Variants in XRN2 observed in about 807,000 individuals in gnomAD.
XRN2 encodes 5'-3' exoribonuclease 2, also known as DHM1-like protein.
A neutral mutation model predicts 138.5 loss-of-function variants in XRN2; 44 were observed. The ratio of observed to expected loss-of-function variants is 0.32; its 90% CI spans 0.25 to 0.41. The LOEUF is 0.41. Ranked by LOEUF, XRN2 falls within the 10% of genes least tolerant of loss-of-function variation. XRN2 has a pLI of 1.00. For missense variants in XRN2, 937 were observed against 1,169.3 expected (o/e 0.80, Z 2.90); for synonymous variants, 354 against 369.4 (o/e 0.96, Z 0.48).
At chr20:21,351,032 T>G (rs1568585756) in intron 20 of XRN2, among the ~76,000 whole-genome samples, 1 of 152,180 alleles carries the variant, frequency 6.6e-6, no homozygotes, top group Non-Finnish European at 1.5e-5. Flanking sequence ...CTAAGTAAAT[T>G]AAGAAGCAAA....
intron 24 of XRN2, among the ~76,000 whole-genome samples, chr20:21,360,861 T>G (rs898726272): frequency 6.6e-6 from 1 of 152,210 alleles, no homozygotes; most frequent in Non-Finnish European, 1.5e-5. Flanking sequence ...GGTTAACCTC[T>G]TCTGATAGAA....
intron 4 of XRN2, among the ~76,000 whole-genome samples, chr20:21,329,109 G>A (rs750268962): frequency 1.3e-5 from 2 of 152,154 alleles, no homozygotes; most frequent in South Asian, 2.1e-4. Context: ...TGAGGAAGCC[G>A]GAGGTGATTC....
chr20:21,360,001 CAG>C (rs1421255187), intron 24 of XRN2, among the ~76,000 whole-genome samples: 2 of 152,006 alleles, frequency 1.3e-5, no homozygotes, highest in African/African-American at 4.8e-5. Context: ...CTGTAGTGCT[CAG>C]AAAGTATGTT....
intron 28 of XRN2, 138 bp downstream of exon 28, chr20:21,382,195 CT>C: frequency 1.8e-6 from 1 of 552,172 alleles, no homozygotes; most frequent in Non-Finnish European, 3.0e-6. Context: ...TGTGCCTATC[CT>C]TTAAGAAAAT....
chr20:21,350,248 C>A (rs1009185962), intron 20 of XRN2, among the ~76,000 whole-genome samples: 1 of 152,036 alleles, frequency 6.6e-6, no homozygotes, highest in African/African-American at 2.4e-5. Flanking sequence ...ATATCTTGGC[C>A]GGGCGCAGTG....
At chr20:21,340,990 G>A in intron 15 of XRN2, 138 bp downstream of exon 15, 2 of 909,738 alleles carry the variant, frequency 2.2e-6, no homozygotes, top group Non-Finnish European at 3.3e-6. Flanking sequence ...CTTGAGAAAT[G>A]TTTAGTTCTG....
At chr20:21,303,836 A>C in intron 1 of XRN2, 5 of 1,033,872 alleles carry the variant, frequency 4.8e-6, no homozygotes, top group Non-Finnish European at 5.8e-6. Flanking sequence ...GTTGTTGAGC[A>C]ATGCATGCCA....
chr20:21,330,407 G>T, intron 4 of XRN2, 74 bp from the exon 5 acceptor site: 2 of 1,498,050 alleles, frequency 1.3e-6, no homozygotes, highest in Admixed American at 2.1e-5. Flanking sequence ...TTTTGTTTTT[G>T]TTGTTCTGGC....
At chr20:21,350,935 AT>A (rs750988395) in intron 20 of XRN2, among the ~76,000 whole-genome samples, 1 of 152,094 alleles carries the variant, frequency 6.6e-6, no homozygotes, top group Non-Finnish European at 1.5e-5. Flanking sequence ...TGGATTGGAG[AT>A]TCGGGTTTTT....
At chr20:21,370,586 A>G (rs2038750324) in intron 27 of XRN2, among the ~76,000 whole-genome samples, 1 of 152,226 alleles carries the variant, frequency 6.6e-6, no homozygotes, top group Admixed American at 6.5e-5. Flanking sequence ...AATGCTACCT[A>G]CAATATAGCC....
chr20:21,380,433 G>A (rs141454844), intron 27 of XRN2, among the ~76,000 whole-genome samples: 1 of 152,216 alleles, frequency 6.6e-6, no homozygotes, highest in African/African-American at 2.4e-5. Context: ...CAAATGAAAT[G>A]ATTGCTATTA....
rs911807548 is a variant in XRN2 at position 21,303,747 on chromosome 20, C to A, written c.75+274C>A. 3 of 1,203,920 alleles carry A rather than the reference C, an allele frequency of 2.5e-6. No homozygotes were observed. The Admixed American group carries it at 1.4e-4, about 56-fold the overall frequency. The allele number at this position is 1,203,920 out of a possible 1,614,324, so 74.6% of individuals were successfully genotyped here. On this transcript the variant is annotated intron_variant, in intron 1 of 29. Coordinates refer to ENST00000377191, the MANE Select transcript of XRN2 (RefSeq NM_012255.5). ...CGCTCCTCCCCTACTCGCTTTTTCC[C>A]GGCACCGGAAGGCCCCGCCCACTGC...
chr20:21,316,001 G>A (rs528964404), intron 1 of XRN2, among the ~76,000 whole-genome samples: 32 of 152,230 alleles, frequency 2.1e-4, no homozygotes, highest in Admixed American at 5.9e-4. Flanking sequence ...GCTTGTAATC[G>A]CAGCACTTTG....
chr20:21,326,493 A>G lies in XRN2; in HGVS notation c.207A>G (p.Pro69=), dbSNP rs1269578292. 1.9e-6 allele frequency: 3 copies of G among 1,613,942 alleles called. No individual in the cohort carries two copies. The African/African-American group carries it at 4.0e-5, about 22-fold the overall frequency. ...CATTGTTTGGTTGTCATTATAGACC[A>G]GCACCAAAAAATGAAGATGAAATGA... ...IHPCTHPEDK[P]APKNEDEMMV... Residue 69 remains proline (P), a synonymous_variant, in exon 3 of 30, where the codon CCA becomes CCG. Transcript: ENST00000377191.
intron 4 of XRN2, among the ~76,000 whole-genome samples, chr20:21,330,046 G>T (rs1038924981): frequency 6.6e-6 from 1 of 152,112 alleles, no homozygotes; most frequent in Admixed American, 6.5e-5. Context: ...ATTTTGGGAG[G>T]CCGAGGACGG....
At chr20:21,340,140 CA>C (rs941462544) in intron 14 of XRN2, among the ~76,000 whole-genome samples, 13 of 151,938 alleles carry the variant, frequency 8.6e-5, no homozygotes, top group African/African-American at 2.9e-4. Flanking sequence ...TGTATTTCCA[CA>C]AAAATTAGCC....
chr20:21,317,496 T>C (rs1321725371), intron 1 of XRN2, among the ~76,000 whole-genome samples: 1 of 152,304 alleles, frequency 6.6e-6, no homozygotes, highest in African/African-American at 2.4e-5. Context: ...ATTGCTGGCT[T>C]CTGTTTGCTA....
intron 27 of XRN2, among the ~76,000 whole-genome samples, chr20:21,375,010 CTTTTTTTTTTTTT>C (rs34212552): frequency 5.8e-4 from 26 of 44,690 alleles, no homozygotes; most frequent in African/African-American, 9.7e-4. Flanking sequence ...TTGGTAAGTT[CTTTTTTTTTTTTT>C]TTTTTTTTTT....
intron 1 of XRN2, among the ~76,000 whole-genome samples, chr20:21,322,719 ATTATC>A (rs1423982753): frequency 6.6e-6 from 1 of 152,160 alleles, no homozygotes; most frequent in Non-Finnish European, 1.5e-5. Flanking sequence ...GTATATTTGT[ATTATC>A]TTTACTTCTT....
Sources: gnomAD v4.1 joint callset for allele counts (sites outside exome capture counted in the v4.1 genomes callset) on GRCh38, gnomAD v4.1.1 for gene constraint, MANE v1.5 for transcripts, NCBI Gene and HGNC (gene_info 2026-07-23, HGNC 2026-07-21) for gene names.